PCLO: variants seen among roughly 807,000 people sequenced by gnomAD.
PCLO encodes the protein piccolo presynaptic cytomatrix protein.
Under a neutral mutation model 427.5 loss-of-function variants are expected in PCLO, and 82 were observed. That is an observed-to-expected ratio of 0.19 (90% CI 0.16 to 0.23). PCLO has a LOEUF of 0.23. PCLO is among the 10% of genes least tolerant of loss of function. The probability of loss-of-function intolerance (pLI) is 1.00; values close to 1 mark genes in which losing one functional copy is unlikely to be tolerated. For missense variants in PCLO, 6,239 were observed against 6,115.9 expected (o/e 1.02, Z -0.67); for synonymous variants, 2,357 against 2,155.4 (o/e 1.09, Z -2.59).
intron 3 of PCLO, among the ~76,000 whole-genome samples, chr7:82,994,561 G>A (rs1425575418): frequency 2.6e-5 from 4 of 151,668 alleles, no homozygotes; most frequent in Admixed American, 2.6e-4. Flanking sequence ...TAAATGACTT[G>A]ATCAGATAAT....
At chr7:83,148,531 T>TTTTAA (rs990959414) in intron 2 of PCLO, among the ~76,000 whole-genome samples, 2 of 152,186 alleles carry the variant, frequency 1.3e-5, no homozygotes, top group African/African-American at 4.8e-5. Flanking sequence ...TTCTTTTGTT[T>TTTTAA]TTTAACTCTA....
rs1440154939 is a variant in PCLO at position 82,949,609 on chromosome 7, T to C, written c.10979A>G (p.Asp3660Gly). The C allele has an allele frequency of 6.8e-6, 11 of 1,613,790 alleles. No homozygotes were observed. Among genetic ancestry groups the C allele is most frequent in the Admixed American group, 1.7e-5 (1 of 59,984 alleles). The change falls in exon 6 of 25, where the codon GAT becomes GGT. Residue 3660 changes from aspartate to glycine, a missense_variant. Coordinates refer to ENST00000333891, the MANE Select transcript of PCLO (RefSeq NM_033026.6). ...ACTTGCTGGGGGAACTTTAGCCATA[T>C]CTGGATGCAGTACTTTCTGTGGACT... ...DISPQKVLHPDMAKVPPASPK... is the reference protein window; with the variant it reads ...DISPQKVLHPGMAKVPPASPK...
At chr7:82,795,432 T>C (rs1239666030) in intron 22 of PCLO, among the ~76,000 whole-genome samples, 1 of 152,218 alleles carries the variant, frequency 6.6e-6, no homozygotes, top group Non-Finnish European at 1.5e-5. Context: ...TATTAGTTGA[T>C]TGCCTATCAT....
intron 24 of PCLO, among the ~76,000 whole-genome samples, chr7:82,759,216 C>A (rs1790380636): frequency 6.6e-6 from 1 of 151,604 alleles, no homozygotes; most frequent in African/African-American, 2.4e-5. Flanking sequence ...AAGTCATATG[C>A]AGAACTTATC....
rs764125991 is a variant in PCLO at position 82,915,597 on chromosome 7, T to C, written c.12389A>G (p.Gln4130Arg). The C allele has an allele frequency of 1.9e-6, 3 of 1,613,578 alleles. No homozygotes were observed. The highest frequency in any genetic ancestry group is 2.5e-6 in the Non-Finnish European group (3 of 1,179,670). ...ELKLLKHQIKQEFRRGTESLD... is the reference protein window; with the variant it reads ...ELKLLKHQIKREFRRGTESLD... ...GCTCTCTGTCCCTCTACGAAATTCC[T>C]GTTTAATCTGATGTTTCAGAAGCTT... is the stretch of plus-strand genomic sequence containing the variant. Residue 4130 changes from glutamine to arginine, a missense_variant, in exon 7 of 25, where the codon CAG (glutamine) becomes CGG (arginine). By Grantham distance (43) the Gln-to-Arg change is conservative (BLOSUM62 1). Around this residue, in one of 5 missense-constraint regions of PCLO, gnomAD observed 680 missense variants for 677.3 expected, o/e 1.00. Coordinates refer to ENST00000333891, the MANE Select transcript of PCLO (RefSeq NM_033026.6).
At chr7:83,090,128 C>A (rs1291428589) in intron 3 of PCLO, among the ~76,000 whole-genome samples, 3 of 152,032 alleles carry the variant, frequency 2.0e-5, no homozygotes, top group Non-Finnish European at 4.4e-5. Flanking sequence ...CATGGTAAAC[C>A]CTGTCTCTAC....
chr7:83,131,781 T>C (rs1791579690), intron 3 of PCLO, among the ~76,000 whole-genome samples: 1 of 151,842 alleles, frequency 6.6e-6, no homozygotes, highest in African/African-American at 2.4e-5. Flanking sequence ...AAGGAAAACA[T>C]AGACACACAA....
intron 3 of PCLO, among the ~76,000 whole-genome samples, chr7:83,085,692 T>C (rs1220405358): frequency 6.6e-6 from 1 of 152,158 alleles, no homozygotes; most frequent in African/African-American, 2.4e-5. Flanking sequence ...AAAAAATGAA[T>C]AAAAGGGAGC....
chr7:82,907,098 T>C (rs1794211045), intron 8 of PCLO, among the ~76,000 whole-genome samples: 1 of 151,982 alleles, frequency 6.6e-6, no homozygotes, highest in Non-Finnish European at 1.5e-5. Context: ...ATATGAATAT[T>C]TCATTTACAT....
At chr7:82,991,959 G>A (rs985322649) in intron 3 of PCLO, among the ~76,000 whole-genome samples, 4 of 151,976 alleles carry the variant, frequency 2.6e-5, no homozygotes, top group Admixed American at 6.6e-5. Flanking sequence ...ATCTATTAGT[G>A]GCTCAAGAGA....
At chr7:82,847,602 C>G (rs773769705) in intron 10 of PCLO, among the ~76,000 whole-genome samples, 1 of 152,102 alleles carries the variant, frequency 6.6e-6, no homozygotes. Flanking sequence ...ATTAGAAACC[C>G]CAATATAATT....
At chr7:82,877,805 A>G (rs909218305) in intron 10 of PCLO, among the ~76,000 whole-genome samples, 1 of 152,148 alleles carries the variant, frequency 6.6e-6, no homozygotes, top group Non-Finnish European at 1.5e-5. Context: ...AGCTGGGATT[A>G]CAGGCTCCCG....
chr7:82,889,912 CAT>C (rs1038749124), intron 9 of PCLO, among the ~76,000 whole-genome samples: 3 of 151,658 alleles, frequency 2.0e-5, no homozygotes, highest in African/African-American at 4.8e-5. Flanking sequence ...TGTGTGTGCA[CAT>C]GTGTGTAAAA....
chr7:82,874,172 G>GTT (rs5885317), intron 10 of PCLO, among the ~76,000 whole-genome samples: 57 of 147,336 alleles, frequency 3.9e-4, no homozygotes, highest in East Asian at 2.4e-3. Flanking sequence ...GAAAACAAAG[G>GTT]TTTTTTTTTT....
At chr7:82,961,494 A>G (rs1366076891) in intron 4 of PCLO, among the ~76,000 whole-genome samples, 1 of 152,224 alleles carries the variant, frequency 6.6e-6, no homozygotes, top group East Asian at 1.9e-4. Flanking sequence ...CAACTAAGCC[A>G]TTTAGACAGG....
intron 10 of PCLO, among the ~76,000 whole-genome samples, chr7:82,862,587 A>AAAAAAAG (rs1554343276): frequency 6.8e-6 from 1 of 147,044 alleles, no homozygotes. Flanking sequence ...AAAAAAAAAA[A>AAAAAAAG]GAATTGGAAG....
At chr7:83,018,310 G>C (rs1256426812) in intron 3 of PCLO, among the ~76,000 whole-genome samples, 1 of 151,832 alleles carries the variant, frequency 6.6e-6, no homozygotes, top group East Asian at 1.9e-4. Flanking sequence ...GATACATACA[G>C]AATGTCAGAA....
intron 3 of PCLO, among the ~76,000 whole-genome samples, chr7:82,979,221 TATAA>T (rs1245222857): frequency 1.3e-5 from 2 of 151,410 alleles, no homozygotes; most frequent in African/African-American, 4.9e-5. Context: ...TTCAAAAACA[TATAA>T]ATAAATAAAT....
intron 6 of PCLO, among the ~76,000 whole-genome samples, chr7:82,921,407 A>G (rs1794592775): frequency 1.3e-5 from 2 of 152,002 alleles, no homozygotes; most frequent in African/African-American, 2.4e-5. Flanking sequence ...ACATACAACA[A>G]TGGAACAGAA....
Sources: allele counts gnomAD v4.1 joint callset (sites outside exome capture counted in the v4.1 genomes callset), GRCh38; gene constraint gnomAD v4.1.1; regional missense constraint gnomAD v4.1.1; transcripts MANE v1.5; gene names NCBI Gene and HGNC (gene_info 2026-07-23, HGNC 2026-07-21).